CCAT2: variants seen among roughly 807,000 people sequenced by gnomAD.
CCAT2 encodes the protein colon cancer associated transcript 2 (non-protein coding).
At chr8:127,401,683 C>T (rs1313353624) in exon 1 of CCAT2, 1 of 152,112 alleles carries the variant, frequency 6.6e-6, no homozygotes, top group African/African-American at 2.4e-5. Flanking sequence ...CATATTAAGC[C>T]CTTAATATGG....
exon 1 of CCAT2, chr8:127,401,175 C>T (rs1814934581): frequency 6.6e-6 from 1 of 152,222 alleles, no homozygotes; most frequent in African/African-American, 2.4e-5. Flanking sequence ...GGGCAGGAAC[C>T]CAGCAAGTTT....
At chr8:127,401,948 G>A (rs1186339330) in exon 1 of CCAT2, 1 of 152,158 alleles carries the variant, frequency 6.6e-6, no homozygotes, top group Non-Finnish European at 1.5e-5. Context: ...TAAATTTGTT[G>A]GGGTTTGATC....
exon 1 of CCAT2, chr8:127,401,010 T>C (rs1814932136): frequency 6.6e-6 from 1 of 152,222 alleles, no homozygotes; most frequent in South Asian, 2.1e-4. Context: ...CACTAAGAGG[T>C]GTAGCCAGAG....
chr8:127,400,401 G>T (rs985032607), exon 1 of CCAT2: 1 of 152,168 alleles, frequency 6.6e-6, no homozygotes, highest in Non-Finnish European at 1.5e-5. Context: ...TAGCAATTCC[G>T]AGGTGATCAG....
exon 1 of CCAT2, chr8:127,402,072 C>A (rs1814944399): frequency 6.6e-6 from 1 of 152,174 alleles, no homozygotes; most frequent in South Asian, 2.1e-4. Flanking sequence ...GAATGTCATT[C>A]CCAAGATATC....
exon 1 of CCAT2, chr8:127,402,124 G>C (rs1259015197): frequency 6.6e-6 from 1 of 152,172 alleles, no homozygotes; most frequent in Non-Finnish European, 1.5e-5. Context: ...TGGGAAGAGA[G>C]CCGTGGGCAA....
chr8:127,401,829 G>T (rs1018759904), exon 1 of CCAT2: 1 of 152,090 alleles, frequency 6.6e-6, no homozygotes. Flanking sequence ...GCTTTCTCTG[G>T]GAGATGCCAA....
chr8:127,401,107 T>G (rs1172187098), exon 1 of CCAT2: 1 of 152,238 alleles, frequency 6.6e-6, no homozygotes, highest in African/African-American at 2.4e-5. Flanking sequence ...GACTTTATTT[T>G]ATTTTATGTG....
At chr8:127,401,280 CTG>C (rs1357380080) in exon 1 of CCAT2, 1 of 152,352 alleles carries the variant, frequency 6.6e-6, no homozygotes, top group Non-Finnish European at 1.5e-5. Flanking sequence ...CAGGCAATAA[CTG>C]TGCAACTCTG....
At chr8:127,401,698 A>C (rs1180141531) in exon 1 of CCAT2, 2 of 152,196 alleles carry the variant, frequency 1.3e-5, no homozygotes, top group Admixed American at 6.5e-5. Flanking sequence ...ATATGGTATG[A>C]ATAGGAGAGC....
chr8:127,400,679 C>T (rs1245337035), exon 1 of CCAT2: 2 of 152,178 alleles, frequency 1.3e-5, no homozygotes, highest in Non-Finnish European at 2.9e-5. Context: ...TAATTAACTA[C>T]CTATTTGAAT....
exon 1 of CCAT2, chr8:127,401,369 G>A (rs1298291306): frequency 2.6e-5 from 4 of 152,158 alleles, no homozygotes; most frequent in Non-Finnish European, 4.4e-5. Flanking sequence ...GGGCCTGTAG[G>A]AAGAGTCAAA....
chr8:127,400,432 T>C (rs1814925713), exon 1 of CCAT2: 1 of 152,258 alleles, frequency 6.6e-6, no homozygotes, highest in Non-Finnish European at 1.5e-5. Context: ...CTGGATGTTC[T>C]GGGTCTTGAC....
chr8:127,402,148 G>A (rs1370730619), exon 1 of CCAT2: 3 of 152,204 alleles, frequency 2.0e-5, no homozygotes, highest in Non-Finnish European at 2.9e-5. Context: ...CAGCCCAGAA[G>A]ACACTAGTGC....
chr8:127,401,130 G>T (rs143981890), exon 1 of CCAT2: 1 of 152,154 alleles, frequency 6.6e-6, no homozygotes, highest in East Asian at 1.9e-4. Context: ...GGAGGGAGCC[G>T]GCCCCAGCTG....
At chr8:127,402,103 CT>C (rs1488422343) in exon 1 of CCAT2, 4 of 152,202 alleles carry the variant, frequency 2.6e-5, no homozygotes, top group South Asian at 2.1e-4. Context: ...TCAGCTTCCC[CT>C]GTTCTACTCT....
exon 1 of CCAT2, chr8:127,400,409 C>G (rs1423253423): frequency 6.6e-6 from 1 of 152,162 alleles, no homozygotes; most frequent in Non-Finnish European, 1.5e-5. Context: ...CCGAGGTGAT[C>G]AGGTGGACTT....
exon 1 of CCAT2, chr8:127,400,808 C>G (rs934781514): frequency 6.6e-6 from 1 of 152,242 alleles, no homozygotes; most frequent in Non-Finnish European, 1.5e-5. Context: ...ACTTCCACAG[C>G]CCTCCAGCAT....
chr8:127,401,164 AG>A (rs897941649), exon 1 of CCAT2: 1 of 152,238 alleles, frequency 6.6e-6, no homozygotes, highest in Non-Finnish European at 1.5e-5. Flanking sequence ...TCTGAATCAA[AG>A]GGCAGGAACC....
Sources: allele counts gnomAD v4.1 joint callset, GRCh38; gene constraint gnomAD v4.1.1; transcripts MANE v1.5; gene names NCBI Gene and HGNC (gene_info 2026-07-23, HGNC 2026-07-21).